The following RAB31 variants were observed in gnomAD, a reference collection of about 807,000 sequenced individuals.
The protein encoded by RAB31 is RAB31, member RAS oncogene family.
A neutral mutation model predicts 25.6 loss-of-function variants in RAB31; 21 were observed. The observed-to-expected ratio is 0.82, with a 90% CI of 0.58 to 1.18. RAB31 has a LOEUF of 1.18. Among genes scored for constraint, RAB31 ranks in the 50% most tolerant of loss-of-function variants. The probability of loss-of-function intolerance (pLI) is 0.00; values close to 1 mark genes in which losing one functional copy is unlikely to be tolerated. For missense variants in RAB31, 196 were observed against 250.1 expected (o/e 0.78, Z 1.46); for synonymous variants, 87 against 84.0 (o/e 1.04, Z -0.20).
At chr18:9,718,763 G>A (rs2068056809) in intron 1 of RAB31, among the ~76,000 whole-genome samples, 1 of 151,984 alleles carries the variant, frequency 6.6e-6, no homozygotes, top group African/African-American at 2.4e-5. Context: ...TCTCTAAGGG[G>A]TTGCAGACTG....
At chr18:9,858,218 C>T (rs2068829050) in intron 6 of RAB31, among the ~76,000 whole-genome samples, 1 of 152,144 alleles carries the variant, frequency 6.6e-6, no homozygotes, top group Non-Finnish European at 1.5e-5. Flanking sequence ...ATGGGACCTT[C>T]AGCAAAGTGC....
chr18:9,838,708 C>T (rs1236125886), intron 5 of RAB31, among the ~76,000 whole-genome samples: 1 of 152,216 alleles, frequency 6.6e-6, no homozygotes, highest in African/African-American at 2.4e-5. Context: ...GATCCCCTCC[C>T]CTGCTGAGAA....
At chr18:9,739,405 G>A (rs934961994) in intron 1 of RAB31, among the ~76,000 whole-genome samples, 4 of 152,196 alleles carry the variant, frequency 2.6e-5, no homozygotes, top group African/African-American at 9.6e-5. Context: ...CTGGGAGGCA[G>A]AGCTTGCAGT....
intron 5 of RAB31, among the ~76,000 whole-genome samples, chr18:9,818,891 A>C (rs2068612208): frequency 2.6e-5 from 4 of 152,176 alleles, no homozygotes; most frequent in Admixed American, 2.6e-4. Context: ...GATGTTAATA[A>C]ATGTCTTTTC....
intron 1 of RAB31, among the ~76,000 whole-genome samples, chr18:9,758,406 T>C (rs1034161989): frequency 2.6e-5 from 4 of 152,018 alleles, no homozygotes; most frequent in Middle Eastern, 3.4e-3. Context: ...GCTGACTCAC[T>C]CGGACAGCCT....
intron 6 of RAB31, among the ~76,000 whole-genome samples, chr18:9,853,567 C>T (rs2068799775): frequency 6.6e-6 from 1 of 152,080 alleles, no homozygotes; most frequent in Non-Finnish European, 1.5e-5. Context: ...ATTTTTAGGG[C>T]AGTGAAACTG....
intron 1 of RAB31, among the ~76,000 whole-genome samples, chr18:9,727,659 C>T (rs1221789350): frequency 6.6e-6 from 1 of 152,206 alleles, no homozygotes; most frequent in East Asian, 1.9e-4. Flanking sequence ...TTTTAAAGTG[C>T]TCAAGGGTGT....
At chr18:9,719,209 G>T (rs990136172) in intron 1 of RAB31, among the ~76,000 whole-genome samples, 1 of 139,846 alleles carries the variant, frequency 7.2e-6, no homozygotes, top group Non-Finnish European at 1.5e-5. Context: ...GGTGGAGGTT[G>T]CAGGGAGCCG....
At chr18:9,832,505 C>G (rs558554247) in intron 5 of RAB31, among the ~76,000 whole-genome samples, 68 of 152,186 alleles carry the variant, frequency 4.5e-4, no homozygotes, top group African/African-American at 1.5e-3. Context: ...CAAGAAATTA[C>G]GAGACGGAAG....
chr18:9,760,936 C>T lies in RAB31; in HGVS notation c.40-14342C>T, dbSNP rs111444665. ...GCTTCACAGGGAGCTGTTTTAATGGCTACTCAAAGCAACTCTGAAATGTCT... is the reference window on the plus strand; with the variant it reads ...GCTTCACAGGGAGCTGTTTTAATGGTTACTCAAAGCAACTCTGAAATGTCT... On this transcript the variant is annotated intron_variant, in intron 1 of 6. Coordinates refer to ENST00000578921, the MANE Select transcript of RAB31 (RefSeq NM_006868.4). Among the ~76,000 whole-genome samples the T allele has an allele frequency of 8.2e-3, 1,253 of 152,148 alleles. 11 individuals are homozygous for T. The highest frequency in any genetic ancestry group is 0.028 in the South Asian group (133 of 4,816).
intron 5 of RAB31, among the ~76,000 whole-genome samples, chr18:9,843,879 G>C (rs879458039): frequency 2.0e-5 from 3 of 152,076 alleles, no homozygotes; most frequent in Non-Finnish European, 4.4e-5. Flanking sequence ...GGTCTTCCCC[G>C]CATATGGTTT....
intron 6 of RAB31, among the ~76,000 whole-genome samples, chr18:9,852,393 G>T (rs1381801274): frequency 6.6e-6 from 1 of 152,102 alleles, no homozygotes; most frequent in Admixed American, 6.5e-5. Context: ...TGGTTTCTTT[G>T]TTTGCATGTT....
Position 9,829,903 on chromosome 18 carries a change from T to C in RAB31, c.380+14681T>C, listed in dbSNP as rs147685056. 2.0e-5 allele frequency among the ~76,000 whole-genome samples: 3 copies of C among 152,248 alleles called. No homozygotes were observed. The East Asian group carries it at 5.8e-4, about 29-fold the overall frequency. On this transcript the variant is annotated intron_variant, in intron 5 of 6. Coordinates refer to ENST00000578921, the MANE Select transcript of RAB31 (RefSeq NM_006868.4). ...TATTTTTAGGATTTAAAAAAATATA[T>C]ACTTGATGCTATTCTTTTGTTATCT... is the stretch of plus-strand genomic sequence containing the variant.
Position 9,860,093 on chromosome 18 carries a change from A to T in RAB31, c.*768A>T, listed in dbSNP as rs1481266730. ...GTGAGAGATGCAGGACATACACATT[A>T]TTCAAGAGACCACCTGACATGCATC... On this transcript the variant is annotated 3_prime_UTR_variant, in exon 7 of 7. Transcript: ENST00000578921. The T allele has an allele frequency of 6.6e-6, 1 of 152,230 alleles. No homozygotes were observed. Among genetic ancestry groups the T allele is most frequent in the Non-Finnish European group, 1.5e-5 (1 of 68,040 alleles). 9.4% of individuals were successfully genotyped at this position (152,230 alleles called of 1,614,324 possible).
At chr18:9,815,062 T>C in intron 4 of RAB31, 54 bp from the exon 5 acceptor site, 1 of 1,276,004 alleles carries the variant, frequency 7.8e-7, no homozygotes. Context: ...TCTGCTTAGT[T>C]GAAATATTAT....
intron 1 of RAB31, among the ~76,000 whole-genome samples, chr18:9,715,712 T>A (rs1372392447): frequency 6.6e-6 from 1 of 152,072 alleles, no homozygotes; most frequent in East Asian, 1.9e-4. Context: ...GTATTTTTTT[T>A]AGTAGAGATG....
intron 1 of RAB31, among the ~76,000 whole-genome samples, chr18:9,748,221 G>C (rs945813144): frequency 6.6e-6 from 1 of 152,180 alleles, no homozygotes; most frequent in East Asian, 1.9e-4. Flanking sequence ...ATTTGTCTGG[G>C]TGCAGTGGCT....
intron 4 of RAB31, among the ~76,000 whole-genome samples, 158 bp from the exon 5 acceptor site, chr18:9,814,958 A>T (rs908171212): frequency 6.6e-6 from 1 of 152,186 alleles, no homozygotes; most frequent in African/African-American, 2.4e-5. Flanking sequence ...ATTTCAGCTA[A>T]CATTAACTTT....
intron 2 of RAB31, among the ~76,000 whole-genome samples, chr18:9,775,998 C>A (rs2068370462): frequency 6.6e-6 from 1 of 152,076 alleles, no homozygotes; most frequent in South Asian, 2.1e-4. Flanking sequence ...CCATGTTGGT[C>A]AGGCTGGTCT....
Sources: gnomAD v4.1 joint callset for allele counts (sites outside exome capture counted in the v4.1 genomes callset) on GRCh38, gnomAD v4.1.1 for gene constraint, MANE v1.5 for transcripts, NCBI Gene and HGNC (gene_info 2026-07-23, HGNC 2026-07-21) for gene names.